Variants in ANKFY1 observed in about 807,000 individuals in gnomAD.
The protein encoded by ANKFY1 is ankyrin repeat and FYVE domain containing 1.
ANKFY1 carries 47 observed loss-of-function variants against 128.3 expected under a neutral mutation model. The observed-to-expected ratio is 0.37, with a 90% CI of 0.29 to 0.47. The LOEUF (loss-of-function observed/expected upper bound fraction) is 0.47. ANKFY1 is among the 20% of genes least tolerant of loss of function. The pLI is 1.00. For missense variants in ANKFY1, 1,222 were observed against 1,510.6 expected, an observed-to-expected ratio of 0.81 and a Z score of 3.17; for synonymous variants, 553 against 601.6, an observed-to-expected ratio of 0.92 and a Z score of 1.18.
At chr17:4,192,639 C>T (rs1006257347) in intron 10 of ANKFY1, among the ~76,000 whole-genome samples, 4 of 152,156 alleles carry the variant, frequency 2.6e-5, no homozygotes, top group South Asian at 2.1e-4. Flanking sequence ...CTGGAGACTC[C>T]GAATTCCATG....
intron 18 of ANKFY1, 57 bp from the exon 19 acceptor site, chr17:4,177,359 C>G (rs2059427436): frequency 6.8e-7 from 1 of 1,476,374 alleles, no homozygotes; most frequent in African/African-American, 1.4e-5. Context: ...ACCTCCTGAG[C>G]TTCATCTGCA....
intron 19 of ANKFY1, among the ~76,000 whole-genome samples, chr17:4,174,603 G>A (rs2059380540): frequency 6.6e-6 from 1 of 152,138 alleles, no homozygotes; most frequent in South Asian, 2.1e-4. Context: ...CTTGGAAGGT[G>A]TTTCAAAGCA....
chr17:4,222,279 C>T, intron 3 of ANKFY1: 1 of 651,054 alleles, frequency 1.5e-6, no homozygotes. Context: ...TGAGCCTCTA[C>T]CTGAGTGAGG....
At chr17:4,222,886 C>A in intron 3 of ANKFY1, 1 of 1,003,280 alleles carries the variant, frequency 1.0e-6, no homozygotes, top group Non-Finnish European at 1.6e-6. Context: ...GCTGACACAC[C>A]CAACAATCCA....
chr17:4,175,111 T>C (rs972951737), intron 19 of ANKFY1, among the ~76,000 whole-genome samples: 4 of 150,728 alleles, frequency 2.7e-5, no homozygotes, highest in Non-Finnish European at 5.9e-5. Flanking sequence ...GGCGGGCGGA[T>C]TGCTTCAGCC....
At chr17:4,195,355 A>G (rs780819611) in intron 9 of ANKFY1, 48 bp downstream of exon 9, 1 of 1,573,350 alleles carries the variant, frequency 6.4e-7, no homozygotes, top group African/African-American at 1.4e-5. Context: ...TTCACTCACA[A>G]TCCCCCCTCA....
intron 4 of ANKFY1, among the ~76,000 whole-genome samples, chr17:4,210,447 G>A (rs1052413021): frequency 2.4e-4 from 37 of 152,214 alleles, no homozygotes; most frequent in Non-Finnish European, 5.1e-4. Context: ...AGTGGCTCAC[G>A]CCTGTAATCC....
At chr17:4,202,526 G>A (rs1309089094) in intron 7 of ANKFY1, among the ~76,000 whole-genome samples, 3 of 149,274 alleles carry the variant, frequency 2.0e-5, no homozygotes, top group Non-Finnish European at 4.4e-5. Context: ...GTGAAACCCC[G>A]TCTCTACTAA....
chr17:4,203,486 T>G (rs1275829946), intron 7 of ANKFY1, among the ~76,000 whole-genome samples: 1 of 152,090 alleles, frequency 6.6e-6, no homozygotes. Flanking sequence ...TGGCATCATT[T>G]TCAAATTTAC....
intron 3 of ANKFY1, chr17:4,223,356 T>A (rs1205816565): frequency 1.3e-6 from 2 of 1,582,260 alleles, no homozygotes; most frequent in Non-Finnish European, 1.7e-6. Context: ...CTGGTACACA[T>A]GGCTATTCAG....
At chr17:4,223,378 A>C in intron 3 of ANKFY1, 1 of 1,589,854 alleles carries the variant, frequency 6.3e-7, no homozygotes, top group South Asian at 1.1e-5. Flanking sequence ...TTGCCTGTGG[A>C]ATGAGCTACC....
rs759913895 is a variant in ANKFY1 at position 4,183,871 on chromosome 17, G to A, written c.1739C>T (p.Pro580Leu). 18 of 1,613,842 alleles carry A rather than the reference G, an allele frequency of 1.1e-5. No individual in the cohort carries two copies. The highest frequency in any genetic ancestry group is 1.0e-4 in the Admixed American group (6 of 59,996). The change falls in exon 13 of 25, where the codon CCG (proline) becomes CTG (leucine). Residue 580 changes from proline to leucine, a missense_variant. Transcript: ENST00000341657. ...TCGGGAATCTTTGAGGCTGAAGTCC[G>A]GAATGATCTGCAAGTTGTTGGTGGC... ...LHATNNLQII[P>L]DFSLKDSRDQ...
In ANKFY1 at chr17:4,174,005, G is replaced by C. The variant is rs554826342; in HGVS notation, c.2827C>G (p.Leu943Val). 6.2e-7 allele frequency: 1 copy of C among 1,614,234 alleles called. No individual in the cohort carries two copies. The highest frequency in any genetic ancestry group is 1.7e-5 in the Admixed American group (1 of 60,026). Residue 943 changes from leucine (L) to valine (V), a missense_variant, in exon 20 of 25, where the codon CTC becomes GTC. Transcript: ENST00000341657. ...AGGTCCTGCTGGGCAGCAAGATGGA[G>C]GGCAGTCTGGCGATGCTTGGTTAAT... is the stretch of plus-strand genomic sequence containing the variant. Reference protein sequence around the residue: ...NELTKHRQTALHLAAQQDLPT... With the variant: ...NELTKHRQTAVHLAAQQDLPT...
At position 4,262,481 on chromosome 17, in the gene ANKFY1, T is replaced by C. The variant is rs534078473; in HGVS notation, c.10+1451A>G. 2.0e-4 allele frequency among the ~76,000 whole-genome samples: 31 copies of C among 152,208 alleles called. 2 individuals are homozygous for C. In the South Asian group the frequency reaches 5.6e-3, roughly 28 times the overall value. ...TTCGCCATGTTGCCCAGGCTGCTCT[T>C]GAACTCCTGGCCTCAAGCGATCCTC... On this transcript the variant is annotated intron_variant, in intron 1 of 24. Transcript: ENST00000341657.
In ANKFY1 at chr17:4,185,130, G is replaced by C. The variant is rs970650480; in HGVS notation, c.1471-84C>G. Reference sequence around the variant, plus strand: ...CGTGGCAGCCTAAGTGCAAAACCTCGGGTCCTTGGCTCATCCTGCCGCCAG... The same window carrying C: ...CGTGGCAGCCTAAGTGCAAAACCTCCGGTCCTTGGCTCATCCTGCCGCCAG... On this transcript the variant is annotated intron_variant, in intron 11 of 24. Coordinates refer to ENST00000341657, the MANE Select transcript of ANKFY1 (RefSeq NM_001330063.2). 6 of 1,280,170 alleles carry C rather than the reference G, an allele frequency of 4.7e-6. No homozygotes were observed. The Admixed American group carries it at 1.2e-4, about 25-fold the overall frequency. 79.3% of individuals were successfully genotyped at this position (1,280,170 alleles called of 1,614,324 possible).
intron 3 of ANKFY1, among the ~76,000 whole-genome samples, chr17:4,218,835 C>T (rs1381842700): frequency 1.3e-5 from 2 of 152,144 alleles, no homozygotes; most frequent in Non-Finnish European, 2.9e-5. Flanking sequence ...CGTGACTGCA[C>T]CACTGCACTC....
rs1361972559 is a variant in ANKFY1 at position 4,222,263 on chromosome 17, C to T, written c.323-5145G>A. On this transcript the variant is annotated intron_variant, in intron 3 of 24. Transcript: ENST00000341657. ...GAGCTGCAGTCGGCGGCCGCGGGGC[C>T]CAGCGTGAGCCTCTACCTGAGTGAG... is the stretch of plus-strand genomic sequence containing the variant. 1.9e-4 allele frequency: 106 copies of T among 544,404 alleles called. 2 individuals are homozygous for T. The Admixed American group carries it at 2.9e-3, about 15-fold the overall frequency. 33.7% of individuals were successfully genotyped at this position (544,404 alleles called of 1,614,324 possible).
At chr17:4,185,719 C>G (rs1340752825) in intron 11 of ANKFY1, among the ~76,000 whole-genome samples, 4 of 136,422 alleles carry the variant, frequency 2.9e-5, no homozygotes, top group Admixed American at 2.4e-4. Flanking sequence ...CTTTAACCAC[C>G]CTTCGCTTTG....
intron 1 of ANKFY1, among the ~76,000 whole-genome samples, chr17:4,256,874 C>G (rs1238318787): frequency 6.6e-6 from 1 of 152,112 alleles, no homozygotes; most frequent in Non-Finnish European, 1.5e-5. Flanking sequence ...GCATGACTTA[C>G]ACATCTTTCA....
Sources: gnomAD v4.1 joint callset for allele counts (sites outside exome capture counted in the v4.1 genomes callset) on GRCh38, gnomAD v4.1.1 for gene constraint, MANE v1.5 for transcripts, NCBI Gene and HGNC (gene_info 2026-07-23, HGNC 2026-07-21) for gene names.